Variants in SETD5 observed in about 807,000 individuals in gnomAD.
SETD5 encodes the protein SET domain containing 5.
A neutral mutation model predicts 153.3 loss-of-function variants in SETD5; 44 were observed. The ratio of observed to expected loss-of-function variants is 0.29; its 90% CI spans 0.23 to 0.37. The LOEUF is 0.37. Ranked by LOEUF, SETD5 falls within the 10% of genes least tolerant of loss-of-function variation. SETD5 has a pLI of 1.00. For missense variants in SETD5, 1,544 were observed against 1,768.0 expected, an observed-to-expected ratio of 0.87 and a Z score of 2.27; for synonymous variants, 716 against 645.2, an observed-to-expected ratio of 1.11 and a Z score of -1.66.
chr3:9,446,311 T>G (rs1323326658), intron 13 of SETD5, among the ~76,000 whole-genome samples: 1 of 141,578 alleles, frequency 7.1e-6, no homozygotes, highest in Non-Finnish European at 1.5e-5. Context: ...AAAAAAAATC[T>G]GGTTTCCGAA....
At chr3:9,450,276 A>ATC (rs1231910452) in intron 16 of SETD5, among the ~76,000 whole-genome samples, 2 of 152,220 alleles carry the variant, frequency 1.3e-5, no homozygotes, top group Non-Finnish European at 2.9e-5. Flanking sequence ...CTCCAAGTGT[A>ATC]TCTGACTATC....
chr3:9,461,383 G>T lies in SETD5; in HGVS notation c.2477-3042G>T, dbSNP rs866448751. Among the ~76,000 whole-genome samples, 5 of 152,282 alleles carry T rather than the reference G, an allele frequency of 3.3e-5. No individual in the cohort carries two copies. The Middle Eastern group carries it at 0.01, about 311-fold the overall frequency. ...TGAAAATAGTTACTGAGTAGTTTAGGTAAGGCAAGAGTCAGTGAAGCAATG... is the reference window on the plus strand; with the variant it reads ...TGAAAATAGTTACTGAGTAGTTTAGTTAAGGCAAGAGTCAGTGAAGCAATG... On this transcript the variant is annotated intron_variant, in intron 17 of 22. Transcript: ENST00000402198.
intron 3 of SETD5, chr3:9,430,068 T>C (rs1045556279): frequency 1.9e-6 from 2 of 1,053,894 alleles, no homozygotes; most frequent in African/African-American, 3.4e-5. Context: ...GTTGCTCTAA[T>C]TCCCCTGTTT....
chr3:9,475,940 G>T lies in SETD5; in HGVS notation c.4178G>T (p.Ser1393Ile), dbSNP rs762422016. Residue 1393 changes from serine to isoleucine, a missense_variant, in exon 23 of 23, where the codon AGT becomes ATT. Ser to Ile is a moderately radical substitution (Grantham distance 142). Coordinates refer to ENST00000402198, the MANE Select transcript of SETD5 (RefSeq NM_001080517.3). ...PSDLRTISLP[S>I]AGQSAVYQAS... is the part of the protein sequence containing the mutation. ...GACTTACGGACTATCAGTCTGCCCA[G>T]TGCTGGGCAGTCAGCTGTCTACCAG... is the stretch of plus-strand genomic sequence containing the variant. The T allele has an allele frequency of 6.2e-7, 1 of 1,613,880 alleles. No individual in the cohort carries two copies. The highest frequency in any genetic ancestry group is 1.1e-5 in the South Asian group (1 of 91,090).
At chr3:9,455,136 A>G (rs189722244) in intron 17 of SETD5, among the ~76,000 whole-genome samples, 3 of 149,864 alleles carry the variant, frequency 2.0e-5, no homozygotes, top group East Asian at 1.9e-4. Flanking sequence ...ATTTTATTTC[A>G]GAAAACGTGA....
At position 9,443,435 on chromosome 3, in the gene SETD5, T is replaced by C; in HGVS notation, c.1187+18T>C. ...AGTAACTGGTAAGACCTCAGAAACC[T>C]TTCCTAACAGGAATATCCATGTCTT... On this transcript the variant is annotated intron_variant, in intron 11 of 22. Transcript: ENST00000402198. 7.7e-7 allele frequency: 1 copy of C among 1,292,780 alleles called. No homozygotes were observed. Among genetic ancestry groups the C allele is most frequent in the Non-Finnish European group, 1.0e-6 (1 of 991,210 alleles). 80.1% of individuals were successfully genotyped at this position (1,292,780 alleles called of 1,614,324 possible).
In SETD5 at chr3:9,434,336, G is replaced by T. The variant is rs374396895; in HGVS notation, c.180G>T (p.Thr60=). The change falls in exon 5 of 23, where the codon ACG becomes ACT. Residue 60 remains threonine, a splice_region_variant and synonymous_variant. Transcript: ENST00000402198. This position sits in a 1 kb window ranked among gnomAD's most constrained non-coding sequence, Gnocchi z 5.6. ...CTCCTGCTTCTCCCCCTGTCCAGAC[G>T]ATCATCCCTCGTTCTGACCTGAATG... ...RHGCRGLPYA[T]IIPRSDLNGL... 6.2e-7 allele frequency: 1 copy of T among 1,613,694 alleles called. No individual in the cohort carries two copies. The highest frequency in any genetic ancestry group is 8.5e-7 in the Non-Finnish European group (1 of 1,179,720).
chr3:9,468,547 C>T (rs1411332878), intron 18 of SETD5: 15 of 1,304,158 alleles, frequency 1.2e-5, no homozygotes, highest in Non-Finnish European at 1.4e-5. Context: ...AGTTCCCCTG[C>T]GCATAGGCCC....
At chr3:9,439,396 T>C (rs553575326) in intron 7 of SETD5, among the ~76,000 whole-genome samples, 3 of 152,386 alleles carry the variant, frequency 2.0e-5, no homozygotes, top group South Asian at 2.1e-4. Flanking sequence ...GAAAGTGTTA[T>C]GATAAGCATC....
At chr3:9,405,919 T>C (rs1194345478) in intron 1 of SETD5, among the ~76,000 whole-genome samples, 1 of 152,202 alleles carries the variant, frequency 6.6e-6, no homozygotes, top group Admixed American at 6.5e-5. Flanking sequence ...CCACAACACA[T>C]ACAATTTGTA....
rs565890981 is a variant in SETD5, at chr3:9,445,307, G to A, written c.1440+7G>A. ...TGTATCCAGTGATCATGAGGTAATC[G>A]CCCCTGGTCAAATGATGATGCTATG... is the stretch of plus-strand genomic sequence containing the variant. On this transcript the variant is annotated splice_region_variant and intron_variant, in intron 12 of 22. Transcript: ENST00000402198. 21 of 1,597,980 alleles carry A rather than the reference G, an allele frequency of 1.3e-5. No individual in the cohort carries two copies. The highest frequency in any genetic ancestry group is 1.0e-4 in the South Asian group (9 of 88,574).
Position 9,440,696 on chromosome 3 carries a change from C to A in SETD5, c.808C>A (p.Gln270Lys), listed in dbSNP as rs1373785714. The change falls in exon 8 of 23, where the codon CAG becomes AAG. Residue 270 changes from glutamine (Q) to lysine (K), a missense_variant and splice_region_variant. Transcript: ENST00000402198. ...CNNTVIGSQM[Q>K]LQLGRVTRVQ... ...TAACACAGTTATTGGTTCCCAAATG[C>A]AGGTAAGCACCAAAGGGTTGAGGAC... is the stretch of plus-strand genomic sequence containing the variant. 1 of 1,612,160 alleles carries A rather than the reference C, an allele frequency of 6.2e-7. No individual in the cohort carries two copies. The highest frequency in any genetic ancestry group is 1.1e-5 in the South Asian group (1 of 90,778).
intron 1 of SETD5, among the ~76,000 whole-genome samples, chr3:9,403,062 G>C (rs1005759070): frequency 1.3e-5 from 2 of 152,124 alleles, no homozygotes; most frequent in Non-Finnish European, 2.9e-5. Flanking sequence ...CAATGTTGGT[G>C]GGGGAGGGGC....
In SETD5 at chr3:9,447,172, C is replaced by T; in HGVS notation, c.1647C>T (p.Thr549=). The T allele has an allele frequency of 1.9e-6, 3 of 1,614,018 alleles. No individual in the cohort carries two copies. The stretch of plus-strand genomic sequence containing the variant: ...CTGATGTAGAGATTACTACAACCAC[C>T]TCAGAGACTCCTGTTGGTGAAGAGA... ...SNSDVEITTT[T]SETPVGEETK... is the part of the protein sequence containing the mutation. Residue 549 remains threonine, a synonymous_variant, in exon 14 of 23, where the codon ACC becomes ACT. Coordinates refer to ENST00000402198, the MANE Select transcript of SETD5 (RefSeq NM_001080517.3).
intron 1 of SETD5, among the ~76,000 whole-genome samples, chr3:9,407,036 T>A (rs2035808274): frequency 6.6e-6 from 1 of 152,194 alleles, no homozygotes; most frequent in African/African-American, 2.4e-5. Flanking sequence ...TCTCAGAAGT[T>A]GCTGTAGCCA....
intron 16 of SETD5, among the ~76,000 whole-genome samples, chr3:9,451,039 A>T (rs1350144811): frequency 1.3e-5 from 2 of 152,168 alleles, no homozygotes; most frequent in Non-Finnish European, 2.9e-5. Flanking sequence ...AAACATTTAT[A>T]AGTGGCCAAC....
At chr3:9,475,418 A>G in intron 22 of SETD5, 65 bp from the exon 23 acceptor site, 1 of 1,543,936 alleles carries the variant, frequency 6.5e-7, no homozygotes, top group South Asian at 1.3e-5. Context: ...GGGTATTATA[A>G]ATGTTCACCA....
rs1449227785 is a variant in SETD5 at position 9,477,052 on chromosome 3, A to C, written c.*961A>C. The C allele has an allele frequency of 6.6e-6, 1 of 152,658 alleles. No individual in the cohort carries two copies. Among genetic ancestry groups the C allele is most frequent in the East Asian group, 1.9e-4 (1 of 5,202 alleles). 9.5% of individuals were successfully genotyped at this position (152,658 alleles called of 1,614,324 possible). ...AGGACCGCCTCCATGATTGGGGAGC[A>C]TGCACTTGTGACTGCAGGGTAAGAG... On this transcript the variant is annotated 3_prime_UTR_variant, in exon 23 of 23. Coordinates refer to ENST00000402198, the MANE Select transcript of SETD5 (RefSeq NM_001080517.3).
At chr3:9,448,710 G>A in intron 16 of SETD5, 80 bp downstream of exon 16, 1 of 1,358,570 alleles carries the variant, frequency 7.4e-7, no homozygotes. Context: ...CTATCATCAT[G>A]ACATAAATAA....
Sources: allele counts gnomAD v4.1 joint callset (sites outside exome capture counted in the v4.1 genomes callset), GRCh38; gene constraint gnomAD v4.1.1; non-coding constraint Gnocchi (gnomAD v3.1); transcripts MANE v1.5; gene names NCBI Gene and HGNC (gene_info 2026-07-23, HGNC 2026-07-21).